Variants in SLC35F3 observed in about 807,000 individuals in gnomAD.
SLC35F3 encodes solute carrier family 35 member F3.
In SLC35F3, 25 loss-of-function variants were observed where a neutral mutation model predicts 49.9. The observed-to-expected ratio is 0.50, with a 90% CI of 0.37 to 0.70. The LOEUF (loss-of-function observed/expected upper bound fraction) is 0.70. SLC35F3 is among the 30% of genes least tolerant of loss of function. The probability of loss-of-function intolerance (pLI) is 0.00; values close to 1 mark genes in which losing one functional copy is unlikely to be tolerated. For synonymous variants in SLC35F3, 275 were observed against 265.4 expected (o/e 1.04, Z -0.35); for missense variants, 525 against 639.8 (o/e 0.82, Z 1.94).
intron 2 of SLC35F3, among the ~76,000 whole-genome samples, chr1:234,144,352 A>G (rs1665965834): frequency 6.6e-6 from 1 of 152,160 alleles, no homozygotes; most frequent in Admixed American, 6.5e-5. Flanking sequence ...GGGTTAGGGA[A>G]CATCTCTAAA....
chr1:234,059,585 C>A (rs908151318), intron 2 of SLC35F3, among the ~76,000 whole-genome samples: 3 of 145,792 alleles, frequency 2.1e-5, no homozygotes, highest in Admixed American at 1.4e-4. Context: ...AGAGATAGAG[C>A]TAGAGCTAGA....
chr1:233,905,716 A>C lies in SLC35F3; in HGVS notation c.241A>C (p.Thr81Pro). 1 of 1,614,138 alleles carries C rather than the reference A, an allele frequency of 6.2e-7. No individual in the cohort carries two copies. The highest frequency in any genetic ancestry group is 8.5e-7 in the Non-Finnish European group (1 of 1,180,018). The change falls in exon 2 of 8, where the codon ACT becomes CCT. Residue 81 changes from threonine (T) to proline (P), a missense_variant. By Grantham distance (38) the Thr-to-Pro change is conservative. Coordinates refer to ENST00000366618, the MANE Select transcript of SLC35F3 (RefSeq NM_173508.4). Reference sequence around the variant, plus strand: ...CATCGAGGAGCGGATCCTGCGCATCACTGGCTACTATGGCTACCAGCCCTG... The same window carrying C: ...CATCGAGGAGCGGATCCTGCGCATCCCTGGCTACTATGGCTACCAGCCCTG... ...TSIEERILRI[T>P]GYYGYQPWAA...
At chr1:234,022,542 A>G (rs1663912319) in intron 2 of SLC35F3, among the ~76,000 whole-genome samples, 2 of 152,168 alleles carry the variant, frequency 1.3e-5, no homozygotes, top group Admixed American at 6.5e-5. Context: ...GCTTTATTCA[A>G]CATCCACAGA....
Position 234,323,611 on chromosome 1 carries a change from C to T in SLC35F3, c.*368C>T, listed in dbSNP as rs569330262. 4 of 225,450 alleles carry T rather than the reference C, an allele frequency of 1.8e-5. No homozygotes were observed. The highest frequency in any genetic ancestry group is 3.5e-5 in the Non-Finnish European group (4 of 114,016). The allele number at this position is 225,450 out of a possible 1,614,324, so 14.0% of individuals were successfully genotyped here. A position where few individuals can be genotyped will look rare whatever the true frequency, so the allele number is the denominator to read the frequency against. On this transcript the variant is annotated 3_prime_UTR_variant, in exon 8 of 8. Coordinates refer to ENST00000366618, the MANE Select transcript of SLC35F3 (RefSeq NM_173508.4). This position sits in a 1 kb window ranked among gnomAD's most constrained non-coding sequence, Gnocchi z 4.5. ...TAGCAACTGAACATGACATTGCACA[C>T]TGTGATTATTTTTCAGCTATGGTAG...
At chr1:234,028,619 G>A (rs1365174953) in intron 2 of SLC35F3, among the ~76,000 whole-genome samples, 4 of 152,208 alleles carry the variant, frequency 2.6e-5, no homozygotes, top group Non-Finnish European at 5.9e-5. Context: ...AGAAAAGAAA[G>A]TCGTAAGAAT....
At chr1:234,144,598 TAGGC>T (rs1665970125) in intron 2 of SLC35F3, among the ~76,000 whole-genome samples, 1 of 152,232 alleles carries the variant, frequency 6.6e-6, no homozygotes, top group Non-Finnish European at 1.5e-5. Flanking sequence ...TAGCACCTGC[TAGGC>T]AACTATTTTA....
intron 2 of SLC35F3, among the ~76,000 whole-genome samples, chr1:234,001,264 T>G (rs1663549976): frequency 6.6e-6 from 1 of 152,220 alleles, no homozygotes; most frequent in Non-Finnish European, 1.5e-5. Flanking sequence ...GACTTCTTTT[T>G]AATGTATCAA....
chr1:234,216,897 C>A (rs1363583017), intron 2 of SLC35F3, among the ~76,000 whole-genome samples: 2 of 152,166 alleles, frequency 1.3e-5, no homozygotes, highest in Admixed American at 1.3e-4. Context: ...AAATTCTGCC[C>A]CTCGGGGCCT....
rs1661748650 is a variant in SLC35F3, at chr1:233,905,068, G to A, written c.-10G>A. The A allele has an allele frequency of 6.4e-7, 1 of 1,560,976 alleles. No individual in the cohort carries two copies. Among genetic ancestry groups the A allele is most frequent in the Non-Finnish European group, 8.7e-7 (1 of 1,151,324 alleles). On this transcript the variant is annotated 5_prime_UTR_variant, in exon 1 of 8. Coordinates refer to ENST00000366618, the MANE Select transcript of SLC35F3 (RefSeq NM_173508.4). ...GTCTGGGAGCTGCCGGTCCCACTCTGTCTTTGCCTATGGGGATTCGAGAGT... is the reference window on the plus strand; with the variant it reads ...GTCTGGGAGCTGCCGGTCCCACTCTATCTTTGCCTATGGGGATTCGAGAGT...
intron 2 of SLC35F3, among the ~76,000 whole-genome samples, chr1:234,013,330 A>G (rs1454507794): frequency 6.6e-6 from 1 of 152,184 alleles, no homozygotes; most frequent in Non-Finnish European, 1.5e-5. Context: ...AACTTACAGG[A>G]TGCATCAACA....
chr1:234,041,793 C>T (rs1380148795), intron 2 of SLC35F3, among the ~76,000 whole-genome samples: 1 of 152,030 alleles, frequency 6.6e-6, no homozygotes, highest in Admixed American at 6.6e-5. Context: ...TGCATAGTAC[C>T]CAGCATGGTG....
intron 3 of SLC35F3, among the ~76,000 whole-genome samples, chr1:234,250,727 T>C (rs1282019816): frequency 1.3e-5 from 2 of 151,304 alleles, no homozygotes; most frequent in African/African-American, 4.9e-5. Context: ...GGTGCCAGCG[T>C]TTGCATCTAG....
intron 2 of SLC35F3, among the ~76,000 whole-genome samples, chr1:234,206,752 A>AG (rs1216089006): frequency 6.6e-6 from 1 of 152,128 alleles, no homozygotes; most frequent in Non-Finnish European, 1.5e-5. Flanking sequence ...AGAGAGGCAA[A>AG]GGGCTTCGCA....
chr1:234,003,609 C>T (rs1663585247), intron 2 of SLC35F3, among the ~76,000 whole-genome samples: 1 of 152,254 alleles, frequency 6.6e-6, no homozygotes, highest in Middle Eastern at 3.4e-3. Flanking sequence ...TAAACAGACA[C>T]ACACAAAAGG....
intron 2 of SLC35F3, among the ~76,000 whole-genome samples, chr1:234,099,024 TG>T (rs1220023251): frequency 6.6e-6 from 1 of 152,046 alleles, no homozygotes; most frequent in African/African-American, 2.4e-5. Flanking sequence ...GTAGTGATAG[TG>T]GTACCTGCAT....
rs1177460790 is a variant in SLC35F3, at chr1:234,231,340, G to A, written c.284-77G>A. ...CCCCCAGGTAGCTGGTGGTGACAATGGCTGCAGGGCAGCGCCCTGCGAAGT... is the reference window on the plus strand; with the variant it reads ...CCCCCAGGTAGCTGGTGGTGACAATAGCTGCAGGGCAGCGCCCTGCGAAGT... On this transcript the variant is annotated intron_variant, in intron 2 of 7. Coordinates refer to ENST00000366618, the MANE Select transcript of SLC35F3 (RefSeq NM_173508.4). This position sits in a 1 kb window ranked among gnomAD's most constrained non-coding sequence, Gnocchi z 5.4. 4.0e-6 allele frequency: 5 copies of A among 1,247,500 alleles called. No homozygotes were observed. Among genetic ancestry groups the A allele is most frequent in the Admixed American group, 3.0e-5 (1 of 33,636 alleles). 77.3% of individuals were successfully genotyped at this position (1,247,500 alleles called of 1,614,324 possible).
At chr1:234,314,567 C>G (rs1407914149) in intron 4 of SLC35F3, among the ~76,000 whole-genome samples, 2 of 152,166 alleles carry the variant, frequency 1.3e-5, no homozygotes, top group East Asian at 1.9e-4. Flanking sequence ...TTGAGACCAG[C>G]CTGGCCAACA....
chr1:234,273,579 G>A (rs74449373), intron 3 of SLC35F3, among the ~76,000 whole-genome samples: 9,141 of 152,290 alleles, frequency 0.06, 329 homozygotes, highest in African/African-American at 0.097. Flanking sequence ...TATAAATTAC[G>A]TGATACAGAT....
chr1:233,952,078 A>T (rs1662615916), intron 2 of SLC35F3, among the ~76,000 whole-genome samples: 1 of 151,644 alleles, frequency 6.6e-6, no homozygotes, highest in African/African-American at 2.4e-5. Context: ...TCTGTCATTT[A>T]TGATGTCAGC....
Sources: gnomAD v4.1 joint callset for allele counts (sites outside exome capture counted in the v4.1 genomes callset) on GRCh38, gnomAD v4.1.1 for gene constraint, Gnocchi (gnomAD v3.1) non-coding constraint, MANE v1.5 for transcripts, NCBI Gene and HGNC (gene_info 2026-07-23, HGNC 2026-07-21) for gene names.